The following HMGCLL1 variants were observed in gnomAD, a reference collection of about 807,000 sequenced individuals.
The protein encoded by HMGCLL1 is 3-hydroxymethyl-3-methylglutaryl-CoA lyase, cytoplasmic.
HMGCLL1 carries 36 observed loss-of-function variants against 39.1 expected under a neutral mutation model. The observed-to-expected ratio is 0.92, with a 90% CI of 0.71 to 1.22. The LOEUF (loss-of-function observed/expected upper bound fraction) is 1.22. Among genes scored for constraint, HMGCLL1 ranks in the 50% most tolerant of loss-of-function variants. The pLI is 0.00. For missense variants in HMGCLL1, 451 were observed against 416.5 expected, an observed-to-expected ratio of 1.08 and a Z score of -0.72; for synonymous variants, 149 against 144.0, an observed-to-expected ratio of 1.03 and a Z score of -0.25.
At chr6:55,540,228 G>A (rs1041468213) in intron 3 of HMGCLL1, among the ~76,000 whole-genome samples, 3 of 151,944 alleles carry the variant, frequency 2.0e-5, no homozygotes, top group African/African-American at 7.3e-5. Context: ...TGTATCAATG[G>A]GACTGAAAAG....
At chr6:55,630,898 A>AT in the HMGCLL1 span, among the ~76,000 whole-genome samples, 6 of 152,082 alleles carry the variant, frequency 3.9e-5, no homozygotes, top group African/African-American at 9.6e-5. Context: ...AGTCTCGGGT[A>AT]TTTTTTTATC....
chr6:55,593,996 A>G, the HMGCLL1 span, among the ~76,000 whole-genome samples: 1 of 152,190 alleles, frequency 6.6e-6, no homozygotes, highest in Non-Finnish European at 1.5e-5. Context: ...TCCCTCCTAA[A>G]GAAGAGAAAT....
At chr6:55,556,453 GGT>G (rs963945611) in intron 1 of HMGCLL1, among the ~76,000 whole-genome samples, 1 of 152,006 alleles carries the variant, frequency 6.6e-6, no homozygotes, top group Non-Finnish European at 1.5e-5. Context: ...ATGTGCCCAG[GGT>G]GTTAACTGTT....
the HMGCLL1 span, among the ~76,000 whole-genome samples, chr6:55,590,957 A>G: frequency 6.6e-6 from 1 of 151,968 alleles, no homozygotes; most frequent in Non-Finnish European, 1.5e-5. Context: ...AGAGAACTTG[A>G]AAAACTATTC....
At chr6:55,457,882 A>G (rs1305816902) in intron 7 of HMGCLL1, among the ~76,000 whole-genome samples, 3 of 152,116 alleles carry the variant, frequency 2.0e-5, no homozygotes, top group Non-Finnish European at 2.9e-5. Context: ...GCACCAGAAT[A>G]CGAAAATTTC....
At chr6:55,480,128 T>C (rs1311863301) in intron 7 of HMGCLL1, among the ~76,000 whole-genome samples, 1 of 151,556 alleles carries the variant, frequency 6.6e-6, no homozygotes, top group African/African-American at 2.4e-5. Flanking sequence ...CTTAAAATAA[T>C]GTAATTTTAA....
At chr6:55,448,592 G>A (rs959301033) in intron 7 of HMGCLL1, among the ~76,000 whole-genome samples, 1 of 151,830 alleles carries the variant, frequency 6.6e-6, no homozygotes, top group Non-Finnish European at 1.5e-5. Context: ...AAGTATTCTG[G>A]TCTATCTCAG....
intron 4 of HMGCLL1, among the ~76,000 whole-genome samples, chr6:55,514,894 A>T (rs1363908409): frequency 6.6e-6 from 1 of 152,096 alleles, no homozygotes; most frequent in Admixed American, 6.6e-5. Context: ...TGGATGTTTA[A>T]GACCTTCTGT....
the HMGCLL1 span, among the ~76,000 whole-genome samples, chr6:55,621,835 A>G: frequency 2.0e-5 from 3 of 151,936 alleles, no homozygotes; most frequent in Admixed American, 2.0e-4. Context: ...CCCTTTCAAG[A>G]TATACTAGCT....
the HMGCLL1 span, among the ~76,000 whole-genome samples, chr6:55,671,872 C>T: frequency 6.6e-6 from 1 of 151,564 alleles, no homozygotes; most frequent in Non-Finnish European, 1.5e-5. Context: ...ATGAATATTA[C>T]ACAATATAAT....
chr6:55,561,820 C>A (rs74892598), intron 1 of HMGCLL1, among the ~76,000 whole-genome samples: 3,750 of 152,058 alleles, frequency 0.025, 154 homozygotes, highest in African/African-American at 0.086. Context: ...TATTTCATTT[C>A]ATTTCATACC....
At chr6:55,622,202 G>A in the HMGCLL1 span, among the ~76,000 whole-genome samples, 1 of 151,954 alleles carries the variant, frequency 6.6e-6, no homozygotes, top group African/African-American at 2.4e-5. Flanking sequence ...AATATACAAT[G>A]ATGTCATCTA....
chr6:55,666,605 T>C, the HMGCLL1 span, among the ~76,000 whole-genome samples: 2 of 151,686 alleles, frequency 1.3e-5, no homozygotes, highest in African/African-American at 2.4e-5. Flanking sequence ...GCGGGACTCA[T>C]TTATTTTACT....
chr6:55,480,642 A>G (rs959741113), intron 7 of HMGCLL1, among the ~76,000 whole-genome samples: 8 of 151,836 alleles, frequency 5.3e-5, no homozygotes, highest in African/African-American at 1.9e-4. Context: ...GTGTATATTC[A>G]AAATAAAGGA....
At chr6:55,565,179 AGT>A (rs974012812) in intron 1 of HMGCLL1, among the ~76,000 whole-genome samples, 16 of 152,072 alleles carry the variant, frequency 1.1e-4, no homozygotes, top group African/African-American at 3.9e-4. Flanking sequence ...TTTGGTACCT[AGT>A]GTAAGTTAAA....
intron 6 of HMGCLL1, among the ~76,000 whole-genome samples, chr6:55,498,003 G>A (rs1242532013): frequency 6.6e-6 from 1 of 152,130 alleles, no homozygotes; most frequent in African/African-American, 2.4e-5. Flanking sequence ...AGCACAAAAT[G>A]TATTAGAATC....
chr6:55,634,576 A>T, the HMGCLL1 span, among the ~76,000 whole-genome samples: 2 of 152,302 alleles, frequency 1.3e-5, no homozygotes, highest in African/African-American at 4.8e-5. Context: ...ACATTCCTGC[A>T]GTTGAGATGT....
chr6:55,577,341 G>A (rs1771810191), intron 1 of HMGCLL1, among the ~76,000 whole-genome samples: 1 of 98,288 alleles, frequency 1.0e-5, no homozygotes. Flanking sequence ...CAAAGGGCTG[G>A]ACTAAAAAAA....
chr6:55,637,655 T>C, the HMGCLL1 span, among the ~76,000 whole-genome samples: 2 of 151,968 alleles, frequency 1.3e-5, no homozygotes, highest in Admixed American at 6.6e-5. Flanking sequence ...GAATAGTGAA[T>C]GCTCAGCATG....
Sources: allele counts gnomAD v4.1 joint callset (sites outside exome capture counted in the v4.1 genomes callset), GRCh38; gene constraint gnomAD v4.1.1; transcripts MANE v1.5; gene names NCBI Gene and HGNC (gene_info 2026-07-23, HGNC 2026-07-21).